Variants in AVPR1B observed in about 807,000 individuals in gnomAD.
AVPR1B encodes arginine vasopressin receptor 1B, also known as vasopressin V1b receptor.
AVPR1B carries 25 observed loss-of-function variants against 27.5 expected under a neutral mutation model. The observed-to-expected ratio is 0.91, with a 90% CI of 0.66 to 1.27. The LOEUF is 1.27. Ranked by LOEUF, AVPR1B falls within the 50% of genes most tolerant of loss-of-function variation. The pLI is 0.00. For missense variants in AVPR1B, 595 were observed against 556.9 expected (o/e 1.07, Z -0.69); for synonymous variants, 248 against 240.2 (o/e 1.03, Z -0.30).
chr1:206,116,800 C>T lies in AVPR1B; in HGVS notation c.91G>A (p.Glu31Lys). The T allele has an allele frequency of 6.2e-7, 1 of 1,614,032 alleles. No homozygotes were observed. The highest frequency in any genetic ancestry group is 8.5e-7 in the Non-Finnish European group (1 of 1,179,994). ...NATTPWLGRD[E>K]ELAKVEIGVL... ...CCGATCTCCACCTTGGCCAGCTCCTCATCCCGGCCCAGCCAGGGTGTTGTG... is the reference window on the plus strand; with the variant it reads ...CCGATCTCCACCTTGGCCAGCTCCTTATCCCGGCCCAGCCAGGGTGTTGTG... The change falls in exon 1 of 2, where the codon GAG becomes AAG. Residue 31 changes from glutamate to lysine, a missense_variant. By Grantham distance (56) the Glu-to-Lys change is moderately conservative (BLOSUM62 1). Coordinates refer to ENST00000367126, the MANE Select transcript of AVPR1B (RefSeq NM_000707.5).
In AVPR1B at chr1:206,109,816, G is replaced by C. The variant is rs1553289444; in HGVS notation, c.*373C>G. 5.0e-6 allele frequency: 1 copy of C among 201,590 alleles called. No individual in the cohort carries two copies. Among genetic ancestry groups the C allele is most frequent in the Non-Finnish European group, 9.9e-6 (1 of 100,892 alleles). 12.5% of individuals were successfully genotyped at this position (201,590 alleles called of 1,614,324 possible). ...TGCCAGTCAGGTTAGAATGGAGACA[G>C]GTAGCCAGGGCACAAGGCCAGCCTC... On this transcript the variant is annotated 3_prime_UTR_variant, in exon 2 of 2. Coordinates refer to ENST00000367126, the MANE Select transcript of AVPR1B (RefSeq NM_000707.5).
rs1553289242 is a variant in AVPR1B, at chr1:206,108,140, GC to G, written c.*2048del. On this transcript the variant is annotated 3_prime_UTR_variant, in exon 2 of 2. Transcript: ENST00000367126. ...GATGGGGCAAGGGGGTGGGGAGGCC[GC>G]TTTTGTAAGCAGGGGAAGGAGCAGA... Among the ~76,000 whole-genome samples the G allele has an allele frequency of 6.6e-6, 1 of 152,184 alleles. No homozygotes were observed.
rs536108085 is a variant in AVPR1B at position 206,107,832 on chromosome 1, G to T, written c.*2357C>A. On this transcript the variant is annotated 3_prime_UTR_variant, in exon 2 of 2. Transcript: ENST00000367126. The stretch of plus-strand genomic sequence containing the variant: ...AGATGCAATCTGGAGCCAGGCCATT[G>T]TTCCCCTCTCTAACATCTGTTGAGT... Among the ~76,000 whole-genome samples, 29 of 152,332 alleles carry T rather than the reference G, an allele frequency of 1.9e-4. No homozygotes were observed. The highest frequency in any genetic ancestry group is 1.8e-3 in the Admixed American group (27 of 15,302).
In AVPR1B at chr1:206,107,217, A is replaced by G. The variant is rs1553289134; in HGVS notation, c.*2972T>C. Among the ~76,000 whole-genome samples the G allele has an allele frequency of 6.6e-6, 1 of 152,166 alleles. No homozygotes were observed. Among genetic ancestry groups the G allele is most frequent in the African/African-American group, 2.4e-5 (1 of 41,420 alleles). On this transcript the variant is annotated 3_prime_UTR_variant, in exon 2 of 2. Transcript: ENST00000367126. ...TACATAGGTTTTAAGGGACTAAAGT[A>G]CTGTCATTCACAGTCACAGGATGGC...
At chr1:206,113,927 T>A (rs1357010157) in intron 1 of AVPR1B, among the ~76,000 whole-genome samples, 1 of 152,218 alleles carries the variant, frequency 6.6e-6, no homozygotes, top group Non-Finnish European at 1.5e-5. Context: ...ATTCTGTGCT[T>A]GGCTAGAGCA....
At position 206,116,485 on chromosome 1, in the gene AVPR1B, C is replaced by A; in HGVS notation, c.406G>T (p.Val136Phe). The A allele has an allele frequency of 6.2e-7, 1 of 1,613,994 alleles. No homozygotes were observed. Among genetic ancestry groups the A allele is most frequent in the Non-Finnish European group, 8.5e-7 (1 of 1,180,002 alleles). ...LAMTLDRYLA[V>F]CHPLRSLQQP... Reference sequence around the variant, plus strand: ...TGGAGGCTGCGCAGGGGGTGACAGACAGCCAGGTAGCGGTCCAGCGTCATG... The same window carrying A: ...TGGAGGCTGCGCAGGGGGTGACAGAAAGCCAGGTAGCGGTCCAGCGTCATG... Residue 136 changes from valine (V) to phenylalanine (F), a missense_variant, in exon 1 of 2, where the codon GTC (valine) becomes TTC (phenylalanine). Transcript: ENST00000367126.
chr1:206,113,842 T>C (rs868959979), intron 1 of AVPR1B, among the ~76,000 whole-genome samples: 1 of 152,146 alleles, frequency 6.6e-6, no homozygotes, highest in South Asian at 2.1e-4. Flanking sequence ...TGACTCAAAT[T>C]TAAAATACAG....
Position 206,110,066 on chromosome 1 carries a change from C to G in AVPR1B, c.*123G>C. 1 of 1,207,842 alleles carries G rather than the reference C, an allele frequency of 8.3e-7. No individual in the cohort carries two copies. The highest frequency in any genetic ancestry group is 1.1e-6 in the Non-Finnish European group (1 of 878,806). 74.8% of individuals were successfully genotyped at this position (1,207,842 alleles called of 1,614,324 possible). On this transcript the variant is annotated 3_prime_UTR_variant, in exon 2 of 2. Coordinates refer to ENST00000367126, the MANE Select transcript of AVPR1B (RefSeq NM_000707.5). ...GGGGACCCATTCTGGCCTTTTCGCT[C>G]CGCTTTAGACAGGGCTCCTCTAACT...
Position 206,116,633 on chromosome 1 carries a change from G to A in AVPR1B, c.258C>T (p.Phe86=). The change falls in exon 1 of 2, where the codon TTC becomes TTT. Residue 86 remains phenylalanine (F), a synonymous_variant. Coordinates refer to ENST00000367126, the MANE Select transcript of AVPR1B (RefSeq NM_000707.5). ...LALTDLAVAL[F]QVLPQLLWDI... is the part of the protein sequence containing the mutation. ...CCCACAGCAGCTGTGGCAGCACCTG[G>A]AAGAGCGCCACGGCCAGGTCTGTCA... 1 of 1,613,860 alleles carries A rather than the reference G, an allele frequency of 6.2e-7. No individual in the cohort carries two copies. Among genetic ancestry groups the A allele is most frequent in the Non-Finnish European group, 8.5e-7 (1 of 1,179,890 alleles).
In AVPR1B at chr1:206,110,425, G is replaced by A. The variant is rs1663354176; in HGVS notation, c.1039C>T (p.Pro347Ser). 6.2e-7 allele frequency: 1 copy of A among 1,613,860 alleles called. No homozygotes were observed. Among genetic ancestry groups the A allele is most frequent in the South Asian group, 1.1e-5 (1 of 91,046 alleles). ...IYMGFNSHLLPRPLRHLACCG... is the reference protein window; with the variant it reads ...IYMGFNSHLLSRPLRHLACCG... ...CAGGCAAGGTGACGCAGGGGCCGCG[G>A]TAACAGGTGGCTGTTGAAGCCCATG... Residue 347 changes from proline to serine, a missense_variant, in exon 2 of 2, where the codon CCG (proline) becomes TCG (serine). Transcript: ENST00000367126.
chr1:206,115,864 C>G, intron 1 of AVPR1B, 87 bp downstream of exon 1: 1 of 1,359,936 alleles, frequency 7.4e-7, no homozygotes, highest in East Asian at 2.3e-5. Context: ...CCTGCCTGGC[C>G]CTGGGAGGCA....
chr1:206,116,120 G>C lies in AVPR1B; in HGVS notation c.771C>G (p.Ala257=). 6.2e-7 allele frequency: 1 copy of C among 1,614,168 alleles called. No individual in the cohort carries two copies. Among genetic ancestry groups the C allele is most frequent in the Non-Finnish European group, 8.5e-7 (1 of 1,180,038 alleles). ...WDRPSPSTLA[A]TTRGLPSRVS... ...CCCGAGATGGCAGCCCCCGAGTGGT[G>C]GCAGCTAAGGTGGAAGGTGAGGGCC... The change falls in exon 1 of 2, where the codon GCC becomes GCG. Residue 257 remains alanine (A), a synonymous_variant. Transcript: ENST00000367126.
In AVPR1B at chr1:206,107,805, C is replaced by T. The variant is rs549675432; in HGVS notation, c.*2384G>A. On this transcript the variant is annotated 3_prime_UTR_variant, in exon 2 of 2. Transcript: ENST00000367126. Reference sequence around the variant, plus strand: ...GGGTCAGGACCCTGGAGGTCATCTACCAGATGCAATCTGGAGCCAGGCCAT... The same window carrying T: ...GGGTCAGGACCCTGGAGGTCATCTATCAGATGCAATCTGGAGCCAGGCCAT... Among the ~76,000 whole-genome samples, 1 of 152,336 alleles carries T rather than the reference C, an allele frequency of 6.6e-6. No homozygotes were observed. The highest frequency in any genetic ancestry group is 2.4e-5 in the African/African-American group (1 of 41,578).
rs1663345203 is a variant in AVPR1B, at chr1:206,110,098, C to T, written c.*91G>A. Reference sequence around the variant, plus strand: ...AGACAGGGCTCCTCTAACTCCAACCCTTACCCTCCCAGCTCTCATTTCCAG... The same window carrying T: ...AGACAGGGCTCCTCTAACTCCAACCTTTACCCTCCCAGCTCTCATTTCCAG... On this transcript the variant is annotated 3_prime_UTR_variant, in exon 2 of 2. Coordinates refer to ENST00000367126, the MANE Select transcript of AVPR1B (RefSeq NM_000707.5). 6 of 1,423,908 alleles carry T rather than the reference C, an allele frequency of 4.2e-6. No homozygotes were observed. Among genetic ancestry groups the T allele is most frequent in the Non-Finnish European group, 4.7e-6 (5 of 1,059,208 alleles). The allele number at this position is 1,423,908 out of a possible 1,614,324, so 88.2% of individuals were successfully genotyped here.
chr1:206,116,307 C>G lies in AVPR1B; in HGVS notation c.584G>C (p.Gly195Ala). 1 of 1,613,540 alleles carries G rather than the reference C, an allele frequency of 6.2e-7. No homozygotes were observed. The highest frequency in any genetic ancestry group is 2.2e-5 in the East Asian group (1 of 44,876). The change falls in exon 1 of 2, where the codon GGG becomes GCG. Residue 195 changes from glycine to alanine, a missense_variant. Coordinates refer to ENST00000367126, the MANE Select transcript of AVPR1B (RefSeq NM_000707.5). ...DCWADFGFPW[G>A]PRAYLTWTTL... ...GGTCCAGGTGAGGTAGGCCCGTGGC[C>G]CCCAAGGGAAGCCGAAGTCTGCCCA... is the stretch of plus-strand genomic sequence containing the variant.
Position 206,115,949 on chromosome 1 carries a change from G to T in AVPR1B, c.940+2C>A. 1 of 1,590,356 alleles carries T rather than the reference G, an allele frequency of 6.3e-7. No homozygotes were observed. The stretch of plus-strand genomic sequence containing the variant: ...CACTGCCCCCACATAGACCCCACTT[G>T]CCTTCATCAGGGGCATTCTTGTCCC... On this transcript the variant is annotated splice_donor_variant, in intron 1 of 1. Transcript: ENST00000367126. LOFTEE classifies it high-confidence loss of function.
In AVPR1B at chr1:206,107,331, A is replaced by G. The variant is rs1401690010; in HGVS notation, c.*2858T>C. 6.6e-6 allele frequency among the ~76,000 whole-genome samples: 1 copy of G among 152,110 alleles called. No homozygotes were observed. The highest frequency in any genetic ancestry group is 1.5e-5 in the Non-Finnish European group (1 of 68,012). ...GTCAGAAATGGGATTCACCCCAGAG[A>G]GCACAGAGCCTCCTTCTTGCTTCCA... On this transcript the variant is annotated 3_prime_UTR_variant, in exon 2 of 2. Transcript: ENST00000367126.
intron 1 of AVPR1B, among the ~76,000 whole-genome samples, chr1:206,115,183 A>G (rs1553290305): frequency 1.3e-5 from 2 of 152,154 alleles, no homozygotes; most frequent in Non-Finnish European, 1.5e-5. Context: ...TAAGCAACCT[A>G]CCTATCAATC....
chr1:206,115,922 C>A, intron 1 of AVPR1B, 29 bp downstream of exon 1: 2 of 1,559,676 alleles, frequency 1.3e-6, no homozygotes, highest in Non-Finnish European at 8.7e-7. Flanking sequence ...TCTCTCCCAC[C>A]TCACTGCCCC....
Sources: allele counts gnomAD v4.1 joint callset (sites outside exome capture counted in the v4.1 genomes callset), GRCh38; gene constraint gnomAD v4.1.1; transcripts MANE v1.5; gene names NCBI Gene and HGNC (gene_info 2026-07-23, HGNC 2026-07-21).